Variants in ST3GAL3 observed in about 807,000 individuals in gnomAD.
ST3GAL3 encodes the protein CMP-N-acetylneuraminate-beta-1,4-galactoside alpha-2,3-sialyltransferase.
A neutral mutation model predicts 50.1 loss-of-function variants in ST3GAL3; 21 were observed. The ratio of observed to expected loss-of-function variants is 0.42; its 90% CI spans 0.30 to 0.60. The LOEUF (loss-of-function observed/expected upper bound fraction) is 0.60, where lower values mean the gene tolerates loss of function less well. Ranked by LOEUF, ST3GAL3 falls within the 20% of genes least tolerant of loss-of-function variation. ST3GAL3 has a pLI of 0.19. For synonymous variants in ST3GAL3, 183 were observed against 190.0 expected, an observed-to-expected ratio of 0.96 and a Z score of 0.30; for missense variants, 353 against 489.4, an observed-to-expected ratio of 0.72 and a Z score of 2.63.
At chr1:43,905,657 C>T (rs1183087981) in intron 9 of ST3GAL3, among the ~76,000 whole-genome samples, 5 of 16,854 alleles carry the variant, frequency 3.0e-4, no homozygotes, top group South Asian at 6.0e-3. Context: ...CCTCCTCCTG[C>T]TTCTCTTCCC....
intron 2 of ST3GAL3, among the ~76,000 whole-genome samples, chr1:43,758,644 T>TA (rs1396012894): frequency 1.3e-5 from 2 of 152,192 alleles, no homozygotes; most frequent in African/African-American, 4.8e-5. Context: ...TTGATAAACT[T>TA]AGACTTTTTT....
chr1:43,808,047 T>A (rs1027312323), intron 3 of ST3GAL3, among the ~76,000 whole-genome samples: 4 of 152,148 alleles, frequency 2.6e-5, no homozygotes, highest in African/African-American at 9.7e-5. Flanking sequence ...CTCACACCTG[T>A]AATCCCAGCA....
intron 3 of ST3GAL3, among the ~76,000 whole-genome samples, chr1:43,798,973 G>A (rs2059011928): frequency 6.6e-6 from 1 of 152,238 alleles, no homozygotes; most frequent in Non-Finnish European, 1.5e-5. Context: ...ATTCATTGGA[G>A]TAACTGCAGT....
At chr1:43,917,666 ATAT>A (rs2082290108) in intron 9 of ST3GAL3, among the ~76,000 whole-genome samples, 1 of 50,502 alleles carries the variant, frequency 2.0e-5, no homozygotes, top group African/African-American at 4.7e-5. Flanking sequence ...TATATAATAT[ATAT>A]TATATATATA....
At chr1:43,921,088 GA>G (rs3835022) in intron 11 of ST3GAL3, 160 bp downstream of exon 11, 34,486 of 859,034 alleles carry the variant, frequency 0.04, 968 homozygotes, top group East Asian at 0.14. Flanking sequence ...GCCTCCCACT[GA>G]ACCCAGGGCC....
intron 5 of ST3GAL3, among the ~76,000 whole-genome samples, chr1:43,861,379 G>C (rs2069887631): frequency 6.6e-6 from 1 of 152,024 alleles, no homozygotes; most frequent in South Asian, 2.1e-4. Context: ...CTGTCTTTAT[G>C]CTCTGACTGC....
At chr1:43,814,422 T>A (rs2060994052) in intron 3 of ST3GAL3, among the ~76,000 whole-genome samples, 1 of 152,244 alleles carries the variant, frequency 6.6e-6, no homozygotes, top group Non-Finnish European at 1.5e-5. Flanking sequence ...TCTGATCTAC[T>A]GGTTCTTTAT....
chr1:43,884,743 G>T (rs2075702146), intron 5 of ST3GAL3, among the ~76,000 whole-genome samples: 1 of 152,160 alleles, frequency 6.6e-6, no homozygotes, highest in Non-Finnish European at 1.5e-5. Context: ...TTGTCTCATG[G>T]GCTGCTTGCA....
At chr1:43,827,474 T>A (rs896368492) in intron 4 of ST3GAL3, among the ~76,000 whole-genome samples, 1 of 152,132 alleles carries the variant, frequency 6.6e-6, no homozygotes, top group Admixed American at 6.5e-5. Flanking sequence ...AAATGGATAT[T>A]CCACATTTTG....
At chr1:43,758,268 T>A (rs1037216212) in intron 2 of ST3GAL3, among the ~76,000 whole-genome samples, 3 of 152,040 alleles carry the variant, frequency 2.0e-5, no homozygotes, top group Non-Finnish European at 4.4e-5. Flanking sequence ...ACAATTTTTT[T>A]AAGACATGGT....
chr1:43,878,388 T>C (rs567708279), intron 5 of ST3GAL3, among the ~76,000 whole-genome samples: 1 of 151,986 alleles, frequency 6.6e-6, no homozygotes, highest in Non-Finnish European at 1.5e-5. Context: ...ATAAATGCCA[T>C]GGGAAGAAAG....
intron 1 of ST3GAL3, among the ~76,000 whole-genome samples, chr1:43,712,705 G>A (rs1665389697): frequency 6.6e-6 from 1 of 152,186 alleles, no homozygotes; most frequent in South Asian, 2.1e-4. Context: ...TGAAAAATCA[G>A]TAGTTATTAG....
intron 1 of ST3GAL3, among the ~76,000 whole-genome samples, chr1:43,725,569 ACTT>A (rs1672565586): frequency 6.6e-6 from 1 of 152,008 alleles, no homozygotes; most frequent in Non-Finnish European, 1.5e-5. Context: ...TCTTAAATCT[ACTT>A]CTAGCATTTT....
intron 2 of ST3GAL3, among the ~76,000 whole-genome samples, chr1:43,754,218 C>G (rs1275905716): frequency 6.6e-6 from 1 of 152,166 alleles, no homozygotes; most frequent in African/African-American, 2.4e-5. Context: ...GAGACGGAAT[C>G]TTGCTCTGTC....
At chr1:43,925,087 C>T (rs868177683) in intron 11 of ST3GAL3, among the ~76,000 whole-genome samples, 5 of 151,972 alleles carry the variant, frequency 3.3e-5, no homozygotes, top group Admixed American at 6.6e-5. Flanking sequence ...GTCAGGAGTT[C>T]GAGACCAGCC....
chr1:43,844,114 T>C (rs1300125239), intron 5 of ST3GAL3, among the ~76,000 whole-genome samples: 1 of 152,210 alleles, frequency 6.6e-6, no homozygotes, highest in African/African-American at 2.4e-5. Flanking sequence ...AAGAGATGCA[T>C]AGGGCATGGC....
chr1:43,743,476 G>T, intron 2 of ST3GAL3: 1 of 407,336 alleles, frequency 2.5e-6, no homozygotes. Context: ...TAAGAGCAAC[G>T]ATCATACTAA....
intron 2 of ST3GAL3, among the ~76,000 whole-genome samples, chr1:43,790,796 A>T (rs2057976071): frequency 6.8e-6 from 1 of 147,006 alleles, no homozygotes; most frequent in Admixed American, 6.8e-5. Flanking sequence ...ACGCCCAGCT[A>T]ATTTTTTTTT....
chr1:43,811,323 T>A (rs530069411), intron 3 of ST3GAL3, among the ~76,000 whole-genome samples: 20 of 152,266 alleles, frequency 1.3e-4, no homozygotes, highest in African/African-American at 4.6e-4. Flanking sequence ...GGAGAGAGAA[T>A]GAGCAGTAGA....
Sources: gnomAD v4.1 joint callset for allele counts (sites outside exome capture counted in the v4.1 genomes callset) on GRCh38, gnomAD v4.1.1 for gene constraint, MANE v1.5 for transcripts, NCBI Gene and HGNC (gene_info 2026-07-23, HGNC 2026-07-21) for gene names.